ST8SIA6: variants seen among roughly 807,000 people sequenced by gnomAD.
The protein encoded by ST8SIA6 is alpha-2,8-sialyltransferase 8F.
A neutral mutation model predicts 33.6 loss-of-function variants in ST8SIA6; 39 were observed. The ratio of observed to expected loss-of-function variants is 1.16; its 90% CI spans 0.90 to 1.52. ST8SIA6 has a LOEUF of 1.52. Ranked by LOEUF, ST8SIA6 falls within the 40% of genes most tolerant of loss-of-function variation. ST8SIA6 has a pLI of 0.00. For missense variants in ST8SIA6, 441 were observed against 443.8 expected (o/e 0.99, Z 0.06); for synonymous variants, 172 against 167.2 (o/e 1.03, Z -0.22).
intron 3 of ST8SIA6, among the ~76,000 whole-genome samples, chr10:17,374,747 T>TAA (rs1236129508): frequency 0.14 from 12,560 of 87,044 alleles, 1,077 homozygotes; most frequent in East Asian, 0.39. Flanking sequence ...AATAAATAAA[T>TAA]AATAAATATA....
At position 17,316,447 on chromosome 10, in the gene ST8SIA6, G is replaced by A. The variant is rs114146270; in HGVS notation, c.*4431C>T. Among the ~76,000 whole-genome samples the A allele has an allele frequency of 9.4e-3, 1,436 of 152,132 alleles. 23 individuals carry two copies. Among genetic ancestry groups the A allele is most frequent in the African/African-American group, 0.033 (1,369 of 41,534 alleles). On this transcript the variant is annotated 3_prime_UTR_variant, in exon 8 of 8. Coordinates refer to ENST00000377602, the MANE Select transcript of ST8SIA6 (RefSeq NM_001004470.3). ...GAGTCCAATTTGTCTACTTACTACC[G>A]CAAACCATAATGGAATAAATACCTT...
intron 2 of ST8SIA6, chr10:17,399,128 C>T (rs1002569627): frequency 2.0e-5 from 3 of 152,148 alleles, no homozygotes; most frequent in Non-Finnish European, 4.4e-5. Context: ...CAAGTCACGG[C>T]GCCTACAAAG....
chr10:17,371,169 T>C (rs1849719567), intron 3 of ST8SIA6, among the ~76,000 whole-genome samples: 1 of 152,156 alleles, frequency 6.6e-6, no homozygotes, highest in South Asian at 2.1e-4. Flanking sequence ...ACTGACAGGA[T>C]AGACACGTCA....
intron 3 of ST8SIA6, among the ~76,000 whole-genome samples, chr10:17,376,065 A>G (rs142916597): frequency 6.6e-6 from 1 of 152,284 alleles, no homozygotes; most frequent in African/African-American, 2.4e-5. Context: ...CACCCACCGC[A>G]CATCAGTGCC....
intron 6 of ST8SIA6, among the ~76,000 whole-genome samples, chr10:17,324,362 G>A (rs35878509): frequency 0.079 from 11,940 of 151,768 alleles, 645 homozygotes; most frequent in Middle Eastern, 0.12. Context: ...AAATAAATAC[G>A]GCACCTTGGT....
At chr10:17,364,331 G>A (rs1849491679) in intron 3 of ST8SIA6, among the ~76,000 whole-genome samples, 1 of 152,176 alleles carries the variant, frequency 6.6e-6, no homozygotes, top group Admixed American at 6.5e-5. Flanking sequence ...TGGTAGGTTA[G>A]CTGAATAAAA....
chr10:17,434,734 G>GACAC (rs112788153), intron 2 of ST8SIA6, among the ~76,000 whole-genome samples: 26 of 148,510 alleles, frequency 1.8e-4, no homozygotes, highest in African/African-American at 5.5e-4. Context: ...GTGTTGGGAG[G>GACAC]ACACACACAC....
rs1383750198 is a variant in ST8SIA6, at chr10:17,405,498, A to C, written c.201-14878T>G. Among the ~76,000 whole-genome samples the C allele has an allele frequency of 2.6e-5, 4 of 151,416 alleles. No individual in the cohort carries two copies. In the East Asian group the frequency reaches 7.7e-4, roughly 29 times the overall value. On this transcript the variant is annotated intron_variant, in intron 2 of 7. Transcript: ENST00000377602. ...TGCTGACAACATATTTGAATCAAATAAACAAATTACAGTGATCAAGAGGAT... is the reference window on the plus strand; with the variant it reads ...TGCTGACAACATATTTGAATCAAATCAACAAATTACAGTGATCAAGAGGAT...
intron 2 of ST8SIA6, among the ~76,000 whole-genome samples, chr10:17,401,634 G>A (rs1274518254): frequency 6.6e-6 from 1 of 152,134 alleles, no homozygotes; most frequent in African/African-American, 2.4e-5. Flanking sequence ...CCACACATCT[G>A]CAACCATCTG....
Position 17,384,498 on chromosome 10 carries a change from G to GA in ST8SIA6, c.290+6032dup, listed in dbSNP as rs1274343692. ...TTAATAACATGGGAAACTGGAGAGA[G>GA]AAAAAAATTGTGTTTCAAAACGATA... On this transcript the variant is annotated intron_variant, in intron 3 of 7. Transcript: ENST00000377602. Among the ~76,000 whole-genome samples the GA allele has an allele frequency of 1.2e-4, 18 of 152,264 alleles. No individual in the cohort carries two copies. The South Asian group carries it at 1.4e-3, about 12-fold the overall frequency.
intron 2 of ST8SIA6, chr10:17,399,050 G>A (rs1364982935): frequency 7.9e-5 from 12 of 152,198 alleles, no homozygotes; most frequent in East Asian, 1.9e-4. Context: ...TTTATAAATC[G>A]TCTTGTATGA....
In ST8SIA6 at chr10:17,418,236, C is replaced by T. The variant is rs187937245; in HGVS notation, c.201-27616G>A. Among the ~76,000 whole-genome samples the T allele has an allele frequency of 8.8e-4, 133 of 151,654 alleles. 2 individuals are homozygous for T. Among genetic ancestry groups the T allele is most frequent in the African/African-American group, 3.1e-3 (128 of 41,348 alleles). ...ACCAAACTCAGCTAATTTTTTTTTG[C>T]ATTTTTTTGCAGATATGGGGTCTTG... On this transcript the variant is annotated intron_variant, in intron 2 of 7. Transcript: ENST00000377602.
chr10:17,420,551 A>C (rs1290520677), intron 2 of ST8SIA6, among the ~76,000 whole-genome samples: 1 of 152,250 alleles, frequency 6.6e-6, no homozygotes, highest in African/African-American at 2.4e-5. Flanking sequence ...CTAGATACTC[A>C]TGCATATCTC....
At chr10:17,341,208 C>A (rs1348307762) in intron 4 of ST8SIA6, among the ~76,000 whole-genome samples, 1 of 152,154 alleles carries the variant, frequency 6.6e-6, no homozygotes, top group African/African-American at 2.4e-5. Context: ...GACAGAGATA[C>A]ATACAACTCT....
intron 2 of ST8SIA6, among the ~76,000 whole-genome samples, chr10:17,429,276 C>T (rs1381809401): frequency 1.3e-5 from 2 of 152,056 alleles, no homozygotes; most frequent in Non-Finnish European, 2.9e-5. Context: ...AGCACCCCCA[C>T]ATACTCCTCA....
At chr10:17,437,876 G>A (rs1852338159) in intron 2 of ST8SIA6, among the ~76,000 whole-genome samples, 1 of 151,984 alleles carries the variant, frequency 6.6e-6, no homozygotes, top group Non-Finnish European at 1.5e-5. Flanking sequence ...GACTACAGGT[G>A]GGCACCACCA....
At chr10:17,357,660 G>A (rs548921740) in intron 4 of ST8SIA6, among the ~76,000 whole-genome samples, 10 of 152,164 alleles carry the variant, frequency 6.6e-5, no homozygotes, top group South Asian at 4.2e-4. Context: ...CCCTGCCTTC[G>A]TGGCAGGGAG....
intron 2 of ST8SIA6, among the ~76,000 whole-genome samples, chr10:17,423,252 A>C (rs892359366): frequency 6.6e-6 from 1 of 152,256 alleles, no homozygotes; most frequent in African/African-American, 2.4e-5. Context: ...CACTATATTT[A>C]CAATTGCGCA....
intron 3 of ST8SIA6, among the ~76,000 whole-genome samples, chr10:17,387,824 T>C (rs965052722): frequency 2.0e-5 from 3 of 152,238 alleles, no homozygotes; most frequent in African/African-American, 4.8e-5. Context: ...GACTATGATA[T>C]GATAACAACG....
Sources: gnomAD v4.1 joint callset for allele counts (sites outside exome capture counted in the v4.1 genomes callset) on GRCh38, gnomAD v4.1.1 for gene constraint, MANE v1.5 for transcripts, NCBI Gene and HGNC (gene_info 2026-07-23, HGNC 2026-07-21) for gene names.